NEDD4L: variants seen among roughly 807,000 people sequenced by gnomAD.
NEDD4L encodes the protein E3 ubiquitin-protein ligase NEDD4-like.
NEDD4L carries 54 observed loss-of-function variants against 148.9 expected under a neutral mutation model. That is an observed-to-expected ratio of 0.36 (90% CI 0.29 to 0.45). The LOEUF is 0.45. Ranked by LOEUF, NEDD4L falls within the 20% of genes least tolerant of loss-of-function variation. The probability of loss-of-function intolerance (pLI) is 1.00; values close to 1 mark genes in which losing one functional copy is unlikely to be tolerated. For missense variants in NEDD4L, 856 were observed against 1,233.8 expected (o/e 0.69, Z 4.59); for synonymous variants, 433 against 440.7 (o/e 0.98, Z 0.22).
At chr18:58,357,679 G>A (rs2044870024) in intron 19 of NEDD4L, among the ~76,000 whole-genome samples, 1 of 152,172 alleles carries the variant, frequency 6.6e-6, no homozygotes, top group African/African-American at 2.4e-5. Flanking sequence ...AGAAGTTTGG[G>A]TGAGATTATA....
rs956630328 is a variant in NEDD4L, at chr18:58,255,638, A to G, written c.297+3584A>G. Reference sequence around the variant, plus strand: ...CCTAGCCCTCCTGGCCCCCCTGGTCACCATGGCCCATCGGCTTCGGTTTCA... The same window carrying G: ...CCTAGCCCTCCTGGCCCCCCTGGTCGCCATGGCCCATCGGCTTCGGTTTCA... On this transcript the variant is annotated intron_variant, in intron 5 of 30. Coordinates refer to ENST00000400345, the MANE Select transcript of NEDD4L (RefSeq NM_001144967.3). 5.7e-6 allele frequency: 7 copies of G among 1,232,214 alleles called. No homozygotes were observed. In the African/African-American group the frequency reaches 1.1e-4, roughly 19 times the overall value. The allele number at this position is 1,232,214 out of a possible 1,614,324, so 76.3% of individuals were successfully genotyped here. A position where few individuals can be genotyped will look rare whatever the true frequency, so the allele number is the denominator to read the frequency against.
chr18:58,186,777 C>G (rs1456956127), intron 2 of NEDD4L, among the ~76,000 whole-genome samples: 1 of 152,220 alleles, frequency 6.6e-6, no homozygotes, highest in Non-Finnish European at 1.5e-5. Context: ...TTCTCATGCT[C>G]ACTGCACGCC....
At chr18:58,106,191 C>T (rs2085062529) in intron 1 of NEDD4L, among the ~76,000 whole-genome samples, 1 of 152,210 alleles carries the variant, frequency 6.6e-6, no homozygotes, top group Admixed American at 6.5e-5. Flanking sequence ...TCCTGGGACA[C>T]TGCCCAAATC....
chr18:58,288,832 T>C (rs545086), intron 5 of NEDD4L, among the ~76,000 whole-genome samples: 1 of 152,200 alleles, frequency 6.6e-6, no homozygotes, highest in African/African-American at 2.4e-5. Context: ...TAACTAATGG[T>C]TCATATTTGT....
rs1045517172 is a variant in NEDD4L, at chr18:58,055,578, G to T, written c.48+10870G>T. Among the ~76,000 whole-genome samples, 3 of 152,228 alleles carry T rather than the reference G, an allele frequency of 2.0e-5. No individual in the cohort carries two copies. In the South Asian group the frequency reaches 6.2e-4, roughly 32 times the overall value. ...TTGTTCAGTGGAACACTTATTTAGG[G>T]TCTGCCTTGTGTTTTGTGTCTAAGG... On this transcript the variant is annotated intron_variant, in intron 1 of 30. Coordinates refer to ENST00000400345, the MANE Select transcript of NEDD4L (RefSeq NM_001144967.3).
chr18:58,363,512 G>T (rs1490415056), intron 19 of NEDD4L, among the ~76,000 whole-genome samples: 1 of 152,148 alleles, frequency 6.6e-6, no homozygotes, highest in African/African-American at 2.4e-5. Context: ...CTAAGATATT[G>T]TAAGCTACTT....
intron 1 of NEDD4L, among the ~76,000 whole-genome samples, chr18:58,104,851 C>A (rs28542880): frequency 0.24 from 34,453 of 146,094 alleles, 4,376 homozygotes; most frequent in African/African-American, 0.33. Flanking sequence ...TACACCCCCG[C>A]CCCCCAACCA....
intron 2 of NEDD4L, among the ~76,000 whole-genome samples, chr18:58,234,045 T>TTTTCTTTCTTTCTTTCTTTCTTTC (rs1156456436): frequency 3.4e-5 from 4 of 117,874 alleles, no homozygotes; most frequent in East Asian, 2.6e-4. Flanking sequence ...ATTTCTTTCC[T>TTTTCTTTCTTTCTTTCTTTCTTTC]TTTCTTTCTT....
chr18:58,074,433 T>A (rs35625462), intron 1 of NEDD4L, among the ~76,000 whole-genome samples: 1 of 111,066 alleles, frequency 9.0e-6, no homozygotes, highest in Non-Finnish European at 1.7e-5. Context: ...TAATTTTTTG[T>A]ATTTTTTTTT....
At chr18:58,254,496 T>C (rs2048276601) in intron 5 of NEDD4L, among the ~76,000 whole-genome samples, 1 of 151,506 alleles carries the variant, frequency 6.6e-6, no homozygotes, top group African/African-American at 2.4e-5. Flanking sequence ...TGCTGACTTC[T>C]TACTGGAAAA....
chr18:58,044,746 G>C, intron 1 of NEDD4L, 38 bp downstream of exon 1: 1 of 1,598,952 alleles, frequency 6.3e-7, no homozygotes, highest in Non-Finnish European at 8.5e-7. Context: ...ACTCCCCGGG[G>C]AGTTCCTATC....
intron 12 of NEDD4L, among the ~76,000 whole-genome samples, chr18:58,334,391 ACTCT>A (rs1353408507): frequency 1.3e-5 from 2 of 152,010 alleles, no homozygotes; most frequent in Non-Finnish European, 2.9e-5. Context: ...ATTCTTTCCA[ACTCT>A]CTCATCATTT....
intron 1 of NEDD4L, among the ~76,000 whole-genome samples, chr18:58,115,722 C>T (rs524009): frequency 6.6e-6 from 1 of 151,962 alleles, no homozygotes; most frequent in East Asian, 1.9e-4. Flanking sequence ...GTGGCAATGC[C>T]GTGGGGACAC....
At chr18:58,140,782 C>T (rs2033415914) in intron 1 of NEDD4L, among the ~76,000 whole-genome samples, 2 of 152,224 alleles carry the variant, frequency 1.3e-5, no homozygotes, top group Admixed American at 1.3e-4. Flanking sequence ...TCGGCCTTGG[C>T]CACTCTTATG....
intron 1 of NEDD4L, among the ~76,000 whole-genome samples, chr18:58,068,450 C>T (rs964245654): frequency 3.9e-5 from 6 of 152,114 alleles, no homozygotes; most frequent in East Asian, 1.9e-4. Flanking sequence ...CCACCTGCCT[C>T]GGCCTCCCAA....
chr18:58,345,882 C>T (rs1398670104), intron 16 of NEDD4L, among the ~76,000 whole-genome samples: 1 of 151,682 alleles, frequency 6.6e-6, no homozygotes, highest in African/African-American at 2.4e-5. Context: ...GCTGGGATTA[C>T]AGGCACATGC....
At chr18:58,204,868 A>G (rs1243279082) in intron 2 of NEDD4L, among the ~76,000 whole-genome samples, 2 of 152,276 alleles carry the variant, frequency 1.3e-5, no homozygotes, top group Admixed American at 6.5e-5. Flanking sequence ...TTTGCGAGAC[A>G]AAATGAAACT....
intron 5 of NEDD4L, among the ~76,000 whole-genome samples, chr18:58,281,501 C>CTT (rs2053086937): frequency 2.0e-5 from 3 of 152,168 alleles, no homozygotes; most frequent in Non-Finnish European, 4.4e-5. Flanking sequence ...ACTGCTACCA[C>CTT]ATGGTCCCCT....
intron 5 of NEDD4L, among the ~76,000 whole-genome samples, chr18:58,267,905 G>A (rs771463768): frequency 9.2e-5 from 14 of 152,028 alleles, no homozygotes; most frequent in Non-Finnish European, 1.8e-4. Context: ...AGAGAGGCAG[G>A]CCCTTCAGAA....
Sources: gnomAD v4.1 joint callset for allele counts (sites outside exome capture counted in the v4.1 genomes callset) on GRCh38, gnomAD v4.1.1 for gene constraint, MANE v1.5 for transcripts, NCBI Gene and HGNC (gene_info 2026-07-23, HGNC 2026-07-21) for gene names.